Variants in JAZF1 observed in about 807,000 individuals in gnomAD.
JAZF1 encodes juxtaposed with another zinc finger protein 1.
Under a neutral mutation model 26.4 loss-of-function variants are expected in JAZF1, and 8 were observed. That is an observed-to-expected ratio of 0.30 (90% confidence interval 0.18 to 0.55). The LOEUF (loss-of-function observed/expected upper bound fraction) is 0.55. Among genes scored for constraint, JAZF1 ranks in the 20% least tolerant of loss-of-function variants. The pLI is 0.94. For missense variants in JAZF1, 199 were observed against 322.0 expected, an observed-to-expected ratio of 0.62 and a Z score of 2.92; for synonymous variants, 126 against 122.3, an observed-to-expected ratio of 1.03 and a Z score of -0.20.
At chr7:28,052,258 A>G (rs1213899767) in intron 1 of JAZF1, among the ~76,000 whole-genome samples, 1 of 152,210 alleles carries the variant, frequency 6.6e-6, no homozygotes, top group African/African-American at 2.4e-5. Flanking sequence ...TTTAACCACG[A>G]GTAGCTGTAA....
intron 1 of JAZF1, among the ~76,000 whole-genome samples, chr7:28,044,175 T>C (rs1783453489): frequency 6.6e-6 from 1 of 152,170 alleles, no homozygotes; most frequent in Non-Finnish European, 1.5e-5. Context: ...AAAAAATGCA[T>C]CAAATATATC....
At chr7:27,979,364 A>G (rs1163196584) in intron 2 of JAZF1, among the ~76,000 whole-genome samples, 1 of 122,710 alleles carries the variant, frequency 8.1e-6, no homozygotes, top group Non-Finnish European at 1.6e-5. Context: ...CAGGTACACT[A>G]CATTTTTTTT....
chr7:28,106,286 G>A (rs1231694616), intron 1 of JAZF1, among the ~76,000 whole-genome samples: 1 of 152,052 alleles, frequency 6.6e-6, no homozygotes, highest in South Asian at 2.1e-4. Context: ...ACTCCACATT[G>A]GGGTTGATAT....
chr7:27,849,770 C>CAG (rs1783106928), intron 3 of JAZF1, among the ~76,000 whole-genome samples: 2 of 135,930 alleles, frequency 1.5e-5, no homozygotes, highest in African/African-American at 7.1e-5. Context: ...CACACACACA[C>CAG]ACACCCCTAC....
intron 1 of JAZF1, among the ~76,000 whole-genome samples, chr7:28,148,369 C>T (rs1192112468): frequency 6.6e-6 from 1 of 152,150 alleles, no homozygotes; most frequent in African/African-American, 2.4e-5. Context: ...CCGCGCCTGG[C>T]CCACGTGTTT....
intron 1 of JAZF1, among the ~76,000 whole-genome samples, chr7:28,060,098 T>A (rs1224954068): frequency 6.6e-6 from 1 of 152,062 alleles, no homozygotes; most frequent in Non-Finnish European, 1.5e-5. Context: ...TAATTCTTTA[T>A]TTGATTCTAT....
At chr7:28,158,402 T>C (rs1261024539) in intron 1 of JAZF1, among the ~76,000 whole-genome samples, 1 of 151,686 alleles carries the variant, frequency 6.6e-6, no homozygotes, top group African/African-American at 2.4e-5. Flanking sequence ...AAATCAGGAG[T>C]GCTAACGAAA....
At position 27,831,063 on chromosome 7, in the gene JAZF1, T is replaced by C. The variant is rs926483944; in HGVS notation, c.*1737A>G. 4.5e-6 allele frequency: 1 copy of C among 222,108 alleles called. No individual in the cohort carries two copies. 13.8% of individuals were successfully genotyped at this position (222,108 alleles called of 1,614,324 possible). A position where few individuals can be genotyped will look rare whatever the true frequency, so the allele number is the denominator to read the frequency against. Reference sequence around the variant, plus strand: ...AAGTGGGGCCTTCTTATGCACCAACTAGTTGCGTCTCATGTCTGGATCACC... The same window carrying C: ...AAGTGGGGCCTTCTTATGCACCAACCAGTTGCGTCTCATGTCTGGATCACC... On this transcript the variant is annotated 3_prime_UTR_variant, in exon 5 of 5. Transcript: ENST00000283928.
At chr7:28,166,612 T>C (rs562123079) in intron 1 of JAZF1, among the ~76,000 whole-genome samples, 1 of 152,224 alleles carries the variant, frequency 6.6e-6, no homozygotes, top group South Asian at 2.1e-4. Flanking sequence ...TTATATAGAT[T>C]AACAAACCTC....
Position 28,105,772 on chromosome 7 carries a change from G to A in JAZF1, c.115+74691C>T, listed in dbSNP as rs775826671. ...TGTTACCACAGACGCAAGAGGAAGA[G>A]TCTATCAGAAAGAATTATACAAGCG... is the stretch of plus-strand genomic sequence containing the variant. On this transcript the variant is annotated intron_variant, in intron 1 of 4. Transcript: ENST00000283928. Among the ~76,000 whole-genome samples, 12 of 152,208 alleles carry A rather than the reference G, an allele frequency of 7.9e-5. 1 individual carries two copies. Among genetic ancestry groups the A allele is most frequent in the Non-Finnish European group, 1.6e-4 (11 of 68,044 alleles).
At chr7:28,160,743 T>G (rs1783271611) in intron 1 of JAZF1, among the ~76,000 whole-genome samples, 1 of 152,192 alleles carries the variant, frequency 6.6e-6, no homozygotes. Flanking sequence ...AACTTCAGCA[T>G]GACAGTACCT....
chr7:28,107,900 C>T (rs898529007), intron 1 of JAZF1, among the ~76,000 whole-genome samples: 3 of 152,122 alleles, frequency 2.0e-5, no homozygotes, highest in Non-Finnish European at 2.9e-5. Context: ...ACAAATGAAA[C>T]CAGAGACATA....
chr7:28,081,906 A>G (rs943640180), intron 1 of JAZF1, among the ~76,000 whole-genome samples: 17 of 152,230 alleles, frequency 1.1e-4, no homozygotes, highest in Non-Finnish European at 2.2e-4. Context: ...TAGTAAAACT[A>G]TTAATCTATA....
chr7:28,143,600 C>A (rs1015172849), intron 1 of JAZF1, among the ~76,000 whole-genome samples: 13 of 152,326 alleles, frequency 8.5e-5, no homozygotes, highest in Non-Finnish European at 1.5e-4. Flanking sequence ...AAAACTGTTT[C>A]TTCTACCCTC....
intron 1 of JAZF1, among the ~76,000 whole-genome samples, chr7:28,000,230 C>A (rs1418498277): frequency 6.6e-6 from 1 of 151,972 alleles, no homozygotes; most frequent in African/African-American, 2.4e-5. Flanking sequence ...TTGCAGCACC[C>A]CCCCGACCCC....
intron 4 of JAZF1, among the ~76,000 whole-genome samples, chr7:27,834,924 T>C (rs1782776178): frequency 6.6e-6 from 1 of 152,184 alleles, no homozygotes; most frequent in South Asian, 2.1e-4. Context: ...TTTATGACCA[T>C]TAGATAAAGA....
chr7:27,846,542 C>T (rs1783036022), intron 3 of JAZF1: 1 of 470,940 alleles, frequency 2.1e-6, no homozygotes. Context: ...GTGATGATCT[C>T]ATTTTCTGTA....
chr7:28,089,882 A>G (rs962386504), intron 1 of JAZF1, among the ~76,000 whole-genome samples: 1 of 152,258 alleles, frequency 6.6e-6, no homozygotes, highest in African/African-American at 2.4e-5. Flanking sequence ...GTGTTGAAAG[A>G]GGAGCTTGGT....
chr7:28,179,915 GC>G (rs1270915554), intron 1 of JAZF1, among the ~76,000 whole-genome samples: 1 of 88,244 alleles, frequency 1.1e-5, no homozygotes, highest in Admixed American at 1.3e-4. Context: ...AGCCACCCCC[GC>G]CCCCCCGCTC....
Sources: allele counts gnomAD v4.1 joint callset (sites outside exome capture counted in the v4.1 genomes callset), GRCh38; gene constraint gnomAD v4.1.1; transcripts MANE v1.5; gene names NCBI Gene and HGNC (gene_info 2026-07-23, HGNC 2026-07-21).